Variants in DNM3 observed in about 807,000 individuals in gnomAD.
DNM3 encodes the protein dynamin-3.
DNM3 carries 47 observed loss-of-function variants against 101.6 expected under a neutral mutation model. That is an observed-to-expected ratio of 0.46 (90% CI 0.37 to 0.59). The LOEUF (loss-of-function observed/expected upper bound fraction) is 0.59, where lower values mean the gene tolerates loss of function less well. Ranked by LOEUF, DNM3 falls within the 20% of genes least tolerant of loss-of-function variation. DNM3 has a pLI of 0.00. For missense variants in DNM3, 849 were observed against 1,085.7 expected (o/e 0.78, Z 3.06); for synonymous variants, 385 against 387.9 (o/e 0.99, Z 0.09).
intron 20 of DNM3, among the ~76,000 whole-genome samples, chr1:172,407,546 G>T (rs2149129440): frequency 6.6e-6 from 1 of 151,992 alleles, no homozygotes; most frequent in East Asian, 1.9e-4. Context: ...TGGAAGGAAT[G>T]ACTTCAGTTT....
chr1:172,217,955 ATTTG>A (rs1451270282), intron 14 of DNM3, among the ~76,000 whole-genome samples: 1 of 152,120 alleles, frequency 6.6e-6, no homozygotes, highest in Admixed American at 6.6e-5. Context: ...AACATTCTAT[ATTTG>A]TTCAGCGTAT....
intron 2 of DNM3, among the ~76,000 whole-genome samples, chr1:171,980,228 C>CTAATTATA (rs1320277122): frequency 1.3e-5 from 2 of 150,780 alleles, no homozygotes; most frequent in African/African-American, 4.9e-5. Context: ...TATCTGGGTC[C>CTAATTATA]TATGTAATTA....
intron 1 of DNM3, among the ~76,000 whole-genome samples, chr1:171,871,723 A>G (rs1032446120): frequency 6.6e-6 from 1 of 152,176 alleles, no homozygotes; most frequent in African/African-American, 2.4e-5. Context: ...TTTACTTGCT[A>G]AATAGAATAT....
intron 4 of DNM3, among the ~76,000 whole-genome samples, chr1:171,998,600 C>A (rs1335166643): frequency 6.6e-6 from 1 of 152,066 alleles, no homozygotes; most frequent in African/African-American, 2.4e-5. Context: ...AGACAAAATT[C>A]TTGGCCTTCT....
chr1:171,960,234 T>TGG (rs1553314240), intron 2 of DNM3, among the ~76,000 whole-genome samples: 1 of 151,646 alleles, frequency 6.6e-6, no homozygotes, highest in Non-Finnish European at 1.5e-5. Context: ...CACCTGAGGC[T>TGG]AAGAATGACA....
intron 14 of DNM3, among the ~76,000 whole-genome samples, chr1:172,166,036 T>C (rs1300519784): frequency 3.3e-5 from 5 of 152,082 alleles, no homozygotes; most frequent in African/African-American, 1.2e-4. Flanking sequence ...TCTTCCGAGA[T>C]CCCATTGCAT....
intron 16 of DNM3, among the ~76,000 whole-genome samples, chr1:172,321,230 G>C (rs1441207592): frequency 6.6e-6 from 1 of 152,168 alleles, no homozygotes; most frequent in Non-Finnish European, 1.5e-5. Context: ...AGAAGAAGAG[G>C]AATAGCCACA....
intron 13 of DNM3, among the ~76,000 whole-genome samples, chr1:172,094,573 A>G (rs1156434148): frequency 6.6e-6 from 1 of 152,168 alleles, no homozygotes; most frequent in East Asian, 1.9e-4. Context: ...CTGTGTGATG[A>G]GAGGAATAGA....
At chr1:171,922,488 C>T (rs543255580) in intron 2 of DNM3, among the ~76,000 whole-genome samples, 1 of 152,316 alleles carries the variant, frequency 6.6e-6, no homozygotes, top group East Asian at 1.9e-4. Flanking sequence ...TGAAGCACCT[C>T]ATAAAAATCA....
At chr1:171,977,384 A>T (rs1305388026) in intron 2 of DNM3, among the ~76,000 whole-genome samples, 2 of 152,238 alleles carry the variant, frequency 1.3e-5, no homozygotes, top group Non-Finnish European at 2.9e-5. Flanking sequence ...AATATGGCTT[A>T]AAAACAGATG....
chr1:172,309,673 T>G (rs1234660981), intron 16 of DNM3: 1 of 152,190 alleles, frequency 6.6e-6, no homozygotes, highest in Non-Finnish European at 1.5e-5. Context: ...TCTCGATCAG[T>G]TTATAGGAAT....
intron 2 of DNM3, among the ~76,000 whole-genome samples, chr1:171,926,378 G>T (rs2040573864): frequency 1.3e-5 from 2 of 152,000 alleles, no homozygotes; most frequent in Admixed American, 1.3e-4. Context: ...TTTGTGCTTT[G>T]ATCCATTTTG....
At chr1:172,078,104 G>GT (rs2052818442) in intron 11 of DNM3, among the ~76,000 whole-genome samples, 2 of 151,478 alleles carry the variant, frequency 1.3e-5, no homozygotes, top group South Asian at 4.2e-4. Context: ...TGTTGTTATT[G>GT]TTTTTTTAGA....
Position 172,411,528 on chromosome 1 carries a change from A to G in DNM3, c.*3687A>G, listed in dbSNP as rs2071202622. Reference sequence around the variant, plus strand: ...TGATATACATAGTCATTTTTCCTCTATGGTAGAAGTAAAAAAAAAAAAAAA... The same window carrying G: ...TGATATACATAGTCATTTTTCCTCTGTGGTAGAAGTAAAAAAAAAAAAAAA... On this transcript the variant is annotated 3_prime_UTR_variant, in exon 21 of 21. Transcript: ENST00000627582. 1 of 978,392 alleles carries G rather than the reference A, an allele frequency of 1.0e-6. No individual in the cohort carries two copies. Among genetic ancestry groups the G allele is most frequent in the Non-Finnish European group, 1.2e-6 (1 of 826,428 alleles). 60.6% of individuals were successfully genotyped at this position (978,392 alleles called of 1,614,324 possible). A position where few individuals can be genotyped will look rare whatever the true frequency, so the allele number is the denominator to read the frequency against.
intron 9 of DNM3, among the ~76,000 whole-genome samples, chr1:172,047,363 C>A (rs2049893280): frequency 6.6e-6 from 1 of 152,080 alleles, no homozygotes; most frequent in African/African-American, 2.4e-5. Flanking sequence ...GTCTCAGCAG[C>A]AAGACTGGAA....
chr1:171,971,929 A>T (rs891920878), intron 2 of DNM3, among the ~76,000 whole-genome samples: 10 of 152,226 alleles, frequency 6.6e-5, no homozygotes, highest in Non-Finnish European at 1.0e-4. Context: ...TGCTTCTAAA[A>T]GGAAAGTCTG....
intron 13 of DNM3, among the ~76,000 whole-genome samples, chr1:172,115,269 T>C (rs2055808261): frequency 6.6e-6 from 1 of 152,060 alleles, no homozygotes; most frequent in Non-Finnish European, 1.5e-5. Context: ...CACATCTCCT[T>C]TCCAATAGCA....
chr1:172,171,202 A>G (rs2058946062), intron 14 of DNM3, among the ~76,000 whole-genome samples: 1 of 151,762 alleles, frequency 6.6e-6, no homozygotes, highest in African/African-American at 2.4e-5. Context: ...AGCTGGTATG[A>G]ATTAACTACT....
At chr1:172,150,441 A>G (rs1238772633) in intron 14 of DNM3, among the ~76,000 whole-genome samples, 1 of 152,180 alleles carries the variant, frequency 6.6e-6, no homozygotes. Context: ...TCAGGAGGAG[A>G]CTACAAAAGC....
Sources: allele counts gnomAD v4.1 joint callset (sites outside exome capture counted in the v4.1 genomes callset), GRCh38; gene constraint gnomAD v4.1.1; transcripts MANE v1.5; gene names NCBI Gene and HGNC (gene_info 2026-07-23, HGNC 2026-07-21).